Variants in POTEH observed in about 807,000 individuals in gnomAD.
POTEH encodes the protein POTE ankyrin domain family member H, also known as ANKRD26-like family C member 3.
A neutral mutation model predicts 41.7 loss-of-function variants in POTEH; 6 were observed. The observed-to-expected ratio is 0.14, with a 90% CI of 0.08 to 0.28. The LOEUF is 0.28. Among genes scored for constraint, POTEH ranks in the 10% least tolerant of loss-of-function variants. POTEH has a pLI of 1.00. For missense variants in POTEH, 115 were observed against 533.5 expected, an observed-to-expected ratio of 0.22 and a Z score of 7.73; for synonymous variants, 38 against 179.9, an observed-to-expected ratio of 0.21 and a Z score of 6.31.
At chr22:15,693,293 T>G (rs1471612756) in intron 1 of POTEH, among the ~76,000 whole-genome samples, 1 of 147,460 alleles carries the variant, frequency 6.8e-6, no homozygotes, top group Non-Finnish European at 1.5e-5. Flanking sequence ...GGTTCATTAG[T>G]AATGACATAA....
At chr22:15,692,827 TGTTTAAA>T (rs1989357827) in intron 1 of POTEH, among the ~76,000 whole-genome samples, 2 of 129,852 alleles carry the variant, frequency 1.5e-5, no homozygotes, top group Admixed American at 8.0e-5. Flanking sequence ...CTTATATAGT[TGTTTAAA>T]GTTTAAGTTG....
chr22:15,713,697 C>A (rs1257449269), intron 9 of POTEH, among the ~76,000 whole-genome samples: 122 of 152,012 alleles, frequency 8.0e-4, no homozygotes, highest in African/African-American at 2.7e-3. Context: ...ACAGGGTTTC[C>A]CCATGTTGGC....
chr22:15,709,559 AT>A lies in POTEH; in HGVS notation c.1309-222del, dbSNP rs1217699437. 3.1e-4 allele frequency among the ~76,000 whole-genome samples: 43 copies of A among 139,340 alleles called. 1 individual carries two copies. Among genetic ancestry groups the A allele is most frequent in the Non-Finnish European group, 5.2e-4 (34 of 64,876 alleles). The allele number at this position is 139,340 out of a possible 152,430, so 91.4% of individuals were successfully genotyped here. On this transcript the variant is annotated intron_variant, in intron 7 of 10. Transcript: ENST00000343518. ...TTGGCTAAGGTGAATTATTTTTCAC[AT>A]GTTAGAAGCCAGTGATGTGGCGGTA...
Position 15,691,367 on chromosome 22 carries a change from A to G in POTEH, c.632+658A>G, listed in dbSNP as rs556550336. Among the ~76,000 whole-genome samples, 28 of 127,938 alleles carry G rather than the reference A, an allele frequency of 2.2e-4. 1 individual carries two copies. Among genetic ancestry groups the G allele is most frequent in the African/African-American group, 6.7e-4 (24 of 35,844 alleles). The allele number at this position is 127,938 out of a possible 152,430, so 83.9% of individuals were successfully genotyped here. A position where few individuals can be genotyped will look rare whatever the true frequency, so the allele number is the denominator to read the frequency against. ...TGAAACCCCGTCTCTACTAAAAAAT[A>G]TAAAAAAAATTAGCTGGACGCGGTG... On this transcript the variant is annotated intron_variant, in intron 1 of 10. Transcript: ENST00000343518.
rs1383869403 is a variant in POTEH at position 15,693,103 on chromosome 22, T to G, written c.633-2268T>G. Among the ~76,000 whole-genome samples the G allele has an allele frequency of 1.1e-4, 14 of 127,364 alleles. 6 individuals are homozygous for G. Among genetic ancestry groups the G allele is most frequent in the Non-Finnish European group, 2.3e-4 (13 of 55,438 alleles). 83.6% of individuals were successfully genotyped at this position (127,364 alleles called of 152,430 possible). A position where few individuals can be genotyped will look rare whatever the true frequency, so the allele number is the denominator to read the frequency against. Reference sequence around the variant, plus strand: ...AGAGATATGTCGACATGCAAAGATGTACCTTGCTATAGCAAGTGAGAAAAA... The same window carrying G: ...AGAGATATGTCGACATGCAAAGATGGACCTTGCTATAGCAAGTGAGAAAAA... On this transcript the variant is annotated intron_variant, in intron 1 of 10. Transcript: ENST00000343518.
chr22:15,719,398 G>A (rs1989980264), intron 9 of POTEH, among the ~76,000 whole-genome samples: 1 of 152,348 alleles, frequency 6.6e-6, no homozygotes, highest in East Asian at 1.9e-4. Flanking sequence ...TAGAAATAAA[G>A]TGCACAATGA....
chr22:15,714,536 C>A (rs1224117604), intron 9 of POTEH, among the ~76,000 whole-genome samples: 1 of 152,034 alleles, frequency 6.6e-6, no homozygotes, highest in African/African-American at 2.4e-5. Context: ...AAACTCCAGT[C>A]ACACCTCTGC....
intron 9 of POTEH, among the ~76,000 whole-genome samples, chr22:15,714,074 CCAAA>C: frequency 6.6e-6 from 1 of 151,940 alleles, no homozygotes; most frequent in South Asian, 2.1e-4. Flanking sequence ...AGTTGCTCTG[CCAAA>C]AACCTCGGTG....
intron 9 of POTEH, among the ~76,000 whole-genome samples, chr22:15,711,290 G>C (rs543940708): frequency 6.6e-6 from 1 of 152,204 alleles, no homozygotes; most frequent in Admixed American, 6.5e-5. Context: ...TACATGTGCA[G>C]GTTTATTATA....
At chr22:15,718,285 A>C (rs1196551434) in intron 9 of POTEH, among the ~76,000 whole-genome samples, 7 of 29,038 alleles carry the variant, frequency 2.4e-4, no homozygotes, top group African/African-American at 4.5e-4. Flanking sequence ...GTGAAGAATG[A>C]CATTGGTACT....
chr22:15,699,748 A>AG, intron 4 of POTEH: 1 of 264,326 alleles, frequency 3.8e-6, no homozygotes, highest in Non-Finnish European at 7.1e-6. Context: ...ATATCAGTCT[A>AG]GGGAAGCTGT....
Position 15,717,266 on chromosome 22 carries a change from G to A in POTEH, c.1521-2394G>A, listed in dbSNP as rs1165483345. On this transcript the variant is annotated intron_variant, in intron 9 of 10. Coordinates refer to ENST00000343518, the MANE Select transcript of POTEH (RefSeq NM_001136213.1). ...TGTGCTGCAGTAAACATATGTGTGC[G>A]GGTGTCTTTGTGAGAGTACGATTTC... Among the ~76,000 whole-genome samples, 3 of 91,102 alleles carry A rather than the reference G, an allele frequency of 3.3e-5. 1 individual carries two copies. Among genetic ancestry groups the A allele is most frequent in the African/African-American group, 1.0e-4 (3 of 29,346 alleles). 59.8% of individuals were successfully genotyped at this position (91,102 alleles called of 152,430 possible).
intron 8 of POTEH, among the ~76,000 whole-genome samples, chr22:15,710,437 C>T (rs2123842044): frequency 6.6e-6 from 1 of 150,850 alleles, no homozygotes; most frequent in East Asian, 2.0e-4. Context: ...GTGTCTCATC[C>T]TCTAAAATGA....
intron 6 of POTEH, among the ~76,000 whole-genome samples, chr22:15,705,337 G>A (rs1372671134): frequency 3.7e-5 from 1 of 26,792 alleles, no homozygotes; most frequent in Non-Finnish European, 6.7e-5. Flanking sequence ...TCAATTACTC[G>A]TTTTAATATG....
chr22:15,714,187 C>T, intron 9 of POTEH, among the ~76,000 whole-genome samples: 1 of 148,764 alleles, frequency 6.7e-6, no homozygotes, highest in Non-Finnish European at 1.5e-5. Flanking sequence ...AGAAGCCAGT[C>T]ATATCTTGCA....
At position 15,690,669 on chromosome 22, in the gene POTEH, C is replaced by A; in HGVS notation, c.592C>A (p.Leu198Ile). The stretch of plus-strand genomic sequence containing the variant: ...CCCCAGAAAGGATCTCATCGTCATG[C>A]TCAAGGACACTGACATGAACAAGAA... ...KVPRKDLIVMLKDTDMNKKDK... is the reference protein window; with the variant it reads ...KVPRKDLIVMIKDTDMNKKDK... The change falls in exon 1 of 11, where the codon CTC becomes ATC. Residue 198 changes from leucine (L) to isoleucine (I), a missense_variant. Coordinates refer to ENST00000343518, the MANE Select transcript of POTEH (RefSeq NM_001136213.1). The A allele has an allele frequency of 7.0e-7, 1 of 1,420,058 alleles. No homozygotes were observed. Among genetic ancestry groups the A allele is most frequent in the Non-Finnish European group, 9.8e-7 (1 of 1,023,748 alleles). 88.0% of individuals were successfully genotyped at this position (1,420,058 alleles called of 1,614,324 possible).
At chr22:15,692,809 CAGT>C (rs1989357259) in intron 1 of POTEH, among the ~76,000 whole-genome samples, 2 of 128,226 alleles carry the variant, frequency 1.6e-5, no homozygotes, top group African/African-American at 5.6e-5. Context: ...GGATGAATAA[CAGT>C]GGTACTTATA....
chr22:15,706,090 CTTCT>C, intron 6 of POTEH, among the ~76,000 whole-genome samples: 1 of 151,350 alleles, frequency 6.6e-6, no homozygotes, highest in African/African-American at 2.4e-5. Flanking sequence ...ATAGTTCTGA[CTTCT>C]AATAAATCAT....
chr22:15,711,559 G>C (rs1989824849), intron 9 of POTEH, among the ~76,000 whole-genome samples: 1 of 151,076 alleles, frequency 6.6e-6, no homozygotes, highest in Non-Finnish European at 1.5e-5. Context: ...CTCCATCTGT[G>C]TTGCTGCAAG....
Sources: allele counts gnomAD v4.1 joint callset (sites outside exome capture counted in the v4.1 genomes callset), GRCh38; gene constraint gnomAD v4.1.1; transcripts MANE v1.5; gene names NCBI Gene and HGNC (gene_info 2026-07-23, HGNC 2026-07-21).